Variants in FRMPD4 observed in about 807,000 individuals in gnomAD.
FRMPD4 encodes FERM and PDZ domain containing 4, also known as FERM and PDZ domain-containing protein 4.
Under a neutral mutation model 94.1 loss-of-function variants are expected in FRMPD4, and 22 were observed. The ratio of observed to expected loss-of-function variants is 0.23; its 90% CI spans 0.17 to 0.33. The LOEUF is 0.33. Ranked by LOEUF, FRMPD4 falls within the 10% of genes least tolerant of loss-of-function variation. FRMPD4 has a pLI of 1.00. For synonymous variants in FRMPD4, 631 were observed against 548.6 expected (o/e 1.15, Z -2.10); for missense variants, 1,111 against 1,339.9 (o/e 0.83, Z 2.67).
intron 1 of FRMPD4, among the ~76,000 whole-genome samples, chrX:12,215,060 C>G (rs1311552007): frequency 9.0e-6 from 1 of 111,445 alleles, no homozygotes; most frequent in Non-Finnish European, 1.9e-5. Context: ...TATAGCACCC[C>G]GTTGAGTTGA....
rs188052888 is a variant in FRMPD4 at position 11,911,707 on chromosome X, T to G, written c.95+33689T>G. Among the ~76,000 whole-genome samples the G allele has an allele frequency of 5.3e-5, 6 of 112,187 alleles. No individual in the cohort carries two copies. The Admixed American group carries it at 5.7e-4, about 11-fold the overall frequency. On this transcript the variant is annotated intron_variant, in intron 3 of 18. Transcript: ENST00000640291. ...GAATGACTGCTGGTGGCAGACATTT[T>G]TGTGGACACATGAAAGGCATCCTTT...
At chrX:12,070,585 T>C (rs2054958710) in intron 3 of FRMPD4, among the ~76,000 whole-genome samples, 1 of 111,653 alleles carries the variant, frequency 9.0e-6, no homozygotes, top group Non-Finnish European at 1.9e-5. Flanking sequence ...AACAGATAAA[T>C]AGTTGCTCTA....
intron 4 of FRMPD4, among the ~76,000 whole-genome samples, chrX:12,658,470 A>G (rs111691004): frequency 0.049 from 5,458 of 111,676 alleles, 337 homozygotes; most frequent in African/African-American, 0.17. Context: ...AGAAATGTTA[A>G]TAAAGGAGCT....
chrX:12,599,239 A>T (rs187661093), intron 2 of FRMPD4, among the ~76,000 whole-genome samples: 1,384 of 111,457 alleles, frequency 0.012, 23 homozygotes, highest in Middle Eastern at 0.046. Context: ...TGATTATTTT[A>T]ACATGATTGA....
rs1208851495 is a variant in FRMPD4 at position 11,848,513 on chromosome X, T to G, written c.-160-16573T>G. On this transcript the variant is annotated intron_variant, in intron 1 of 18. Coordinates refer to the FRMPD4 transcript ENST00000640291. ...TTTTAAGTCTTCCCCAGCCTGTGTT[T>G]TTTTTTTTTTCATTAGGTCCTCTTG... Among the ~76,000 whole-genome samples, 4 of 110,186 alleles carry G rather than the reference T, an allele frequency of 3.6e-5. No individual in the cohort carries two copies. In the East Asian group the frequency reaches 1.1e-3, roughly 31 times the overall value.
At chrX:12,592,905 TC>T (rs1386508117) in intron 2 of FRMPD4, among the ~76,000 whole-genome samples, 7 of 112,218 alleles carry the variant, frequency 6.2e-5, no homozygotes, top group African/African-American at 1.9e-4. Context: ...CCCTTGCATG[TC>T]CTGTGTTAAA....
intron 1 of FRMPD4, among the ~76,000 whole-genome samples, chrX:11,823,880 A>G (rs2147268146): frequency 8.9e-6 from 1 of 111,889 alleles, no homozygotes; most frequent in South Asian, 3.7e-4. Flanking sequence ...TAGTTTGCTC[A>G]TCCTTGCACT....
chrX:12,518,820 C>T (rs1052064692), intron 2 of FRMPD4, among the ~76,000 whole-genome samples: 12 of 103,946 alleles, frequency 1.2e-4, no homozygotes, highest in African/African-American at 3.6e-4. Context: ...ATTACGTGCG[C>T]GCGTGCACAC....
At chrX:12,160,592 C>G (rs2056009410) in intron 1 of FRMPD4, among the ~76,000 whole-genome samples, 1 of 111,512 alleles carries the variant, frequency 9.0e-6, no homozygotes, top group Admixed American at 9.5e-5. Context: ...CATAACTAAC[C>G]CTTAATTCAG....
chrX:12,217,615 T>C (rs1415319982), intron 1 of FRMPD4, among the ~76,000 whole-genome samples: 1 of 112,349 alleles, frequency 8.9e-6, no homozygotes, highest in Non-Finnish European at 1.9e-5. Flanking sequence ...AATATTTTGG[T>C]TATGTCTTTC....
intron 1 of FRMPD4, among the ~76,000 whole-genome samples, chrX:11,847,793 A>G (rs1353034180): frequency 1.9e-5 from 2 of 102,691 alleles, no homozygotes; most frequent in African/African-American, 7.2e-5. Context: ...CAAAAAACCA[A>G]ACACCGCATG....
At chrX:12,161,042 C>T (rs930982882) in intron 1 of FRMPD4, among the ~76,000 whole-genome samples, 5 of 111,188 alleles carry the variant, frequency 4.5e-5, no homozygotes, top group African/African-American at 1.3e-4. Context: ...ATAATATTAC[C>T]GCTAATCACT....
intron 1 of FRMPD4, among the ~76,000 whole-genome samples, chrX:12,455,400 A>G (rs2057323171): frequency 1.8e-5 from 2 of 111,910 alleles, no homozygotes; most frequent in South Asian, 7.5e-4. Flanking sequence ...AATCTTGTGT[A>G]GAGTATAAAA....
At chrX:12,409,948 T>G (rs758288126) in intron 1 of FRMPD4, among the ~76,000 whole-genome samples, 4 of 111,970 alleles carry the variant, frequency 3.6e-5, no homozygotes, top group Non-Finnish European at 5.6e-5. Flanking sequence ...TCTCAAGTAT[T>G]CAATAGTCCT....
intron 4 of FRMPD4, among the ~76,000 whole-genome samples, chrX:12,637,103 A>T (rs1440484036): frequency 8.9e-6 from 1 of 112,419 alleles, no homozygotes. Context: ...AAATGATAAA[A>T]TACATCATGA....
chrX:12,357,667 T>C (rs1326526203), intron 1 of FRMPD4, among the ~76,000 whole-genome samples: 1 of 112,159 alleles, frequency 8.9e-6, no homozygotes, highest in East Asian at 2.8e-4. Flanking sequence ...TGAAAACAAG[T>C]TGTGAGCAAC....
chrX:12,450,323 G>A (rs918621734), intron 1 of FRMPD4, among the ~76,000 whole-genome samples: 1 of 111,207 alleles, frequency 9.0e-6, no homozygotes, highest in East Asian at 2.8e-4. Context: ...AAAAAGGGAA[G>A]TTGGGTAGGA....
At chrX:12,674,250 A>C (rs762690111) in intron 4 of FRMPD4, among the ~76,000 whole-genome samples, 131 of 111,855 alleles carry the variant, frequency 1.2e-3, no homozygotes, top group African/African-American at 4.1e-3. Context: ...TGCCTGTCTG[A>C]AATATTTATC....
chrX:12,182,186 G>A (rs1045707279), intron 1 of FRMPD4, among the ~76,000 whole-genome samples: 1 of 111,524 alleles, frequency 9.0e-6, no homozygotes, highest in African/African-American at 3.3e-5. Context: ...TGGATGCAGG[G>A]TAGTCCAATG....
Sources: allele counts gnomAD v4.1 joint callset (sites outside exome capture counted in the v4.1 genomes callset), GRCh38; gene constraint gnomAD v4.1.1; transcripts MANE v1.5; gene names NCBI Gene and HGNC (gene_info 2026-07-23, HGNC 2026-07-21).